GRIK3: variants seen among roughly 807,000 people sequenced by gnomAD.
The protein encoded by GRIK3 is glutamate ionotropic receptor kainate type subunit 3.
In GRIK3, 29 loss-of-function variants were observed where a neutral mutation model predicts 102.5. The ratio of observed to expected loss-of-function variants is 0.28; its 90% CI spans 0.21 to 0.39. The LOEUF is 0.39. Ranked by LOEUF, GRIK3 falls within the 10% of genes least tolerant of loss-of-function variation. The pLI, the probability that GRIK3 is intolerant of heterozygous loss-of-function variation, is 1.00. For synonymous variants in GRIK3, 511 were observed against 504.9 expected (o/e 1.01, Z -0.16); for missense variants, 908 against 1,252.4 (o/e 0.73, Z 4.15).
At chr1:36,868,699 C>T (rs1408827387) in intron 5 of GRIK3, among the ~76,000 whole-genome samples, 1 of 152,214 alleles carries the variant, frequency 6.6e-6, no homozygotes, top group African/African-American at 2.4e-5. Flanking sequence ...TGCCTCTTGG[C>T]CTTTGCTTAT....
Position 36,997,223 on chromosome 1 carries a change from G to A in GRIK3, c.115+36771C>T, listed in dbSNP as rs140883466. Among the ~76,000 whole-genome samples, 973 of 152,282 alleles carry A rather than the reference G, an allele frequency of 6.4e-3. 11 individuals carry two copies. The highest frequency in any genetic ancestry group is 0.023 in the African/African-American group (940 of 41,552). On this transcript the variant is annotated intron_variant, in intron 1 of 15. Transcript: ENST00000373091. ...TGTCAGCGGCAGGCCCTGGAAGCAG[G>A]AGACAGAGGGTAGGGGCAGGCACTT...
chr1:36,987,252 G>A (rs1642315798), intron 1 of GRIK3, among the ~76,000 whole-genome samples: 1 of 151,474 alleles, frequency 6.6e-6, no homozygotes, highest in Non-Finnish European at 1.5e-5. Flanking sequence ...GCAGCACTGA[G>A]GTTCGATTCC....
chr1:36,854,202 C>T (rs1164049346), intron 7 of GRIK3, among the ~76,000 whole-genome samples: 2 of 152,226 alleles, frequency 1.3e-5, no homozygotes, highest in Non-Finnish European at 2.9e-5. Context: ...CCCATGTGTG[C>T]TGTGGTTAAG....
At chr1:36,821,506 C>T (rs541396625) in intron 11 of GRIK3, among the ~76,000 whole-genome samples, 40 of 152,244 alleles carry the variant, frequency 2.6e-4, no homozygotes, top group African/African-American at 8.7e-4. Flanking sequence ...GGGCAGGGGT[C>T]GGGCTGATGG....
chr1:36,806,052 GC>G lies in GRIK3; in HGVS notation c.2314+51del. On this transcript the variant is annotated intron_variant, in intron 14 of 15. Transcript: ENST00000373091. The surrounding 1 kb of genome is among the most constrained non-coding windows in gnomAD (Gnocchi z 4.0). ...GAGTGTGAGGGGACGCGGGGGTGGA[GC>G]CCTCCCTCTGCCCACACACCCACCC... 2.4e-6 allele frequency: 3 copies of G among 1,259,784 alleles called. No homozygotes were observed. Among genetic ancestry groups the G allele is most frequent in the Non-Finnish European group, 3.4e-6 (3 of 870,624 alleles). 78.0% of individuals were successfully genotyped at this position (1,259,784 alleles called of 1,614,324 possible). A position where few individuals can be genotyped will look rare whatever the true frequency, so the allele number is the denominator to read the frequency against.
chr1:36,812,587 C>T (rs188569848), intron 13 of GRIK3, among the ~76,000 whole-genome samples: 13 of 152,130 alleles, frequency 8.5e-5, no homozygotes, highest in Non-Finnish European at 1.3e-4. Flanking sequence ...ACACAGGAGA[C>T]GCTGTTTGTG....
intron 2 of GRIK3, among the ~76,000 whole-genome samples, chr1:36,886,496 AG>A (rs1641038973): frequency 1.3e-5 from 2 of 152,168 alleles, no homozygotes; most frequent in African/African-American, 4.8e-5. Flanking sequence ...GCTCTCCCTG[AG>A]GGATAGAGGG....
At chr1:36,929,745 C>T (rs1641567593) in intron 1 of GRIK3, among the ~76,000 whole-genome samples, 1 of 152,204 alleles carries the variant, frequency 6.6e-6, no homozygotes, top group African/African-American at 2.4e-5. Flanking sequence ...ACAAATTGTT[C>T]CAAAACTTGG....
At chr1:36,876,027 A>G (rs1640909705) in intron 3 of GRIK3, among the ~76,000 whole-genome samples, 2 of 152,212 alleles carry the variant, frequency 1.3e-5, no homozygotes, top group South Asian at 4.1e-4. Context: ...ATTGTCTTCT[A>G]GAAGGTTCTG....
chr1:36,890,706 A>G (rs1324470386), intron 2 of GRIK3, among the ~76,000 whole-genome samples: 2 of 152,128 alleles, frequency 1.3e-5, no homozygotes, highest in Non-Finnish European at 2.9e-5. Flanking sequence ...CAGATGAGAA[A>G]ATTGAGGCAC....
chr1:36,865,883 G>C (rs188005973), intron 5 of GRIK3, among the ~76,000 whole-genome samples: 1 of 152,210 alleles, frequency 6.6e-6, no homozygotes, highest in Non-Finnish European at 1.5e-5. Context: ...CTTTCTTCTT[G>C]CTTTCTTTTT....
chr1:36,945,495 C>G (rs982044411), intron 1 of GRIK3, among the ~76,000 whole-genome samples: 15 of 152,186 alleles, frequency 9.9e-5, no homozygotes, highest in Non-Finnish European at 7.3e-5. Flanking sequence ...CTTGCGACGT[C>G]ATTTAGACTG....
intron 1 of GRIK3, among the ~76,000 whole-genome samples, chr1:36,917,341 G>T (rs1484678478): frequency 6.6e-6 from 1 of 152,220 alleles, no homozygotes; most frequent in Non-Finnish European, 1.5e-5. Flanking sequence ...TTGAACTGTG[G>T]ACTTTTGAGC....
At position 36,850,456 on chromosome 1, in the gene GRIK3, G is replaced by T; in HGVS notation, c.1213-32C>A. On this transcript the variant is annotated intron_variant, in intron 8 of 15. Transcript: ENST00000373091. This position sits in a 1 kb window ranked among gnomAD's most constrained non-coding sequence, Gnocchi z 4.0. ...GGACACAGACAGAAAACAGGGTGCC[G>T]AGTCCTTGGTCTACCCATCTTCCTC... The T allele has an allele frequency of 7.5e-7, 1 of 1,334,440 alleles. No homozygotes were observed. The highest frequency in any genetic ancestry group is 1.1e-6 in the Non-Finnish European group (1 of 925,032). The allele number at this position is 1,334,440 out of a possible 1,614,324, so 82.7% of individuals were successfully genotyped here. A position where few individuals can be genotyped will look rare whatever the true frequency, so the allele number is the denominator to read the frequency against.
At chr1:36,957,452 CCTGTGAGCCTATGTGCT>C (rs2124341725) in intron 1 of GRIK3, among the ~76,000 whole-genome samples, 1 of 125,674 alleles carries the variant, frequency 8.0e-6, no homozygotes, top group Non-Finnish European at 1.8e-5. Context: ...GAGTCTGTGC[CCTGTGAGCCTATGTGCT>C]CTGTGAGTCT....
intron 1 of GRIK3, among the ~76,000 whole-genome samples, chr1:37,025,914 A>G (rs1032170808): frequency 6.6e-6 from 1 of 151,512 alleles, no homozygotes; most frequent in African/African-American, 2.4e-5. Context: ...CCAGGATCTC[A>G]CTCCATTTCA....
intron 10 of GRIK3, among the ~76,000 whole-genome samples, chr1:36,841,527 C>A (rs1364596250): frequency 6.6e-6 from 1 of 152,172 alleles, no homozygotes. Context: ...AGGAGAATGG[C>A]GTTGGGAGTA....
At chr1:37,026,820 G>A (rs533497443) in intron 1 of GRIK3, among the ~76,000 whole-genome samples, 2 of 152,006 alleles carry the variant, frequency 1.3e-5, no homozygotes, top group Non-Finnish European at 2.9e-5. Flanking sequence ...TTCTTTCTTG[G>A]AGTGCCAAGA....
intron 1 of GRIK3, among the ~76,000 whole-genome samples, chr1:37,012,934 T>C (rs1410783241): frequency 6.6e-6 from 1 of 152,198 alleles, no homozygotes; most frequent in Non-Finnish European, 1.5e-5. Context: ...TGGTTTCTCT[T>C]CCTGGGATAC....
Sources: gnomAD v4.1 joint callset for allele counts (sites outside exome capture counted in the v4.1 genomes callset) on GRCh38, gnomAD v4.1.1 for gene constraint, Gnocchi (gnomAD v3.1) non-coding constraint, MANE v1.5 for transcripts, NCBI Gene and HGNC (gene_info 2026-07-23, HGNC 2026-07-21) for gene names.